Variants in PIK3CD observed in about 807,000 individuals in gnomAD.
PIK3CD encodes phosphatidylinositol 4,5-bisphosphate 3-kinase catalytic subunit delta isoform.
PIK3CD carries 20 observed loss-of-function variants against 122.9 expected under a neutral mutation model. The ratio of observed to expected loss-of-function variants is 0.16; its 90% CI spans 0.11 to 0.24. The LOEUF (loss-of-function observed/expected upper bound fraction) is 0.24. Ranked by LOEUF, PIK3CD falls within the 10% of genes least tolerant of loss-of-function variation. The probability of loss-of-function intolerance (pLI) is 1.00; values close to 1 mark genes in which losing one functional copy is unlikely to be tolerated. For synonymous variants in PIK3CD, 596 were observed against 593.4 expected (o/e 1.00, Z -0.06); for missense variants, 787 against 1,406.3 (o/e 0.56, Z 7.04).
At chr1:9,670,291 G>T (rs1645285508) in intron 1 of PIK3CD, among the ~76,000 whole-genome samples, 2 of 151,898 alleles carry the variant, frequency 1.3e-5, no homozygotes, top group African/African-American at 4.8e-5. Flanking sequence ...TCCCTATTGT[G>T]TGGTGTGATG....
chr1:9,630,356 GTCCTT>G, the PIK3CD span, among the ~76,000 whole-genome samples: 2 of 152,236 alleles, frequency 1.3e-5, no homozygotes, highest in Non-Finnish European at 2.9e-5. Flanking sequence ...GTGGACACTT[GTCCTT>G]TCTCTTCCTC....
Position 9,718,773 on chromosome 1 carries a change from C to T in PIK3CD, c.1100C>T (p.Ser367Leu), listed in dbSNP as rs375873391. The change falls in exon 9 of 24, where the codon TCG becomes TTG. Residue 367 changes from serine (S) to leucine (L), a missense_variant. By Grantham distance (145) the Ser-to-Leu change is moderately radical. Coordinates refer to ENST00000377346, the MANE Select transcript of PIK3CD (RefSeq NM_005026.5). This position sits in a 1 kb window ranked among gnomAD's most constrained non-coding sequence, Gnocchi z 7.2. ...TCCAGCTCGGAGGTGAGCGTGTGCT[C>T]GGAGCCCGTGTGGAAGCAGCGGCTG... is the stretch of plus-strand genomic sequence containing the variant. Reference protein sequence around the residue: ...TVSSSEVSVCSEPVWKQRLEF... With the variant: ...TVSSSEVSVCLEPVWKQRLEF... 3.7e-5 allele frequency: 60 copies of T among 1,610,962 alleles called. No individual in the cohort carries two copies. The highest frequency in any genetic ancestry group is 2.8e-4 in the Admixed American group (17 of 59,924).
At chr1:9,664,540 A>G (rs1645103581) in intron 1 of PIK3CD, among the ~76,000 whole-genome samples, 1 of 152,178 alleles carries the variant, frequency 6.6e-6, no homozygotes, top group African/African-American at 2.4e-5. Context: ...CACTGCTGGG[A>G]AAACAGCATG....
intron 1 of PIK3CD, among the ~76,000 whole-genome samples, chr1:9,660,123 G>A (rs1644969650): frequency 6.6e-6 from 1 of 152,330 alleles, no homozygotes; most frequent in African/African-American, 2.4e-5. Flanking sequence ...ATGTTGGTCA[G>A]GCTGGTCTCA....
the PIK3CD span, among the ~76,000 whole-genome samples, chr1:9,630,945 C>T: frequency 6.6e-6 from 1 of 152,094 alleles, no homozygotes; most frequent in Non-Finnish European, 1.5e-5. Context: ...GATGATTGGT[C>T]ATCCATTTGT....
At chr1:9,668,905 C>T in intron 1 of PIK3CD, among the ~76,000 whole-genome samples, 1 of 152,094 alleles carries the variant, frequency 6.6e-6, no homozygotes, top group Non-Finnish European at 1.5e-5. Context: ...GGCTGTGTCT[C>T]CAGGACTCTG....
At chr1:9,694,622 C>T (rs774049853) in intron 2 of PIK3CD, among the ~76,000 whole-genome samples, 8 of 152,096 alleles carry the variant, frequency 5.3e-5, no homozygotes, top group Non-Finnish European at 1.0e-4. Flanking sequence ...AGGGTTAGTG[C>T]CTTTCCCTTA....
rs1002436512 is a variant in PIK3CD, at chr1:9,724,721, A to G, written c.2865-83A>G. The G allele has an allele frequency of 2.2e-5, 35 of 1,560,166 alleles. No individual in the cohort carries two copies. Among genetic ancestry groups the G allele is most frequent in the Admixed American group, 6.7e-5 (4 of 59,940 alleles). The stretch of plus-strand genomic sequence containing the variant: ...GGGCAAGGGCAGGTGTCCTTGGGGA[A>G]GGGGCTGGTTGGATGCAGAGCGGCC... On this transcript the variant is annotated intron_variant, in intron 22 of 23. Coordinates refer to ENST00000377346, the MANE Select transcript of PIK3CD (RefSeq NM_005026.5). This position sits in a 1 kb window ranked among gnomAD's most constrained non-coding sequence, Gnocchi z 7.3.
intron 1 of PIK3CD, among the ~76,000 whole-genome samples, chr1:9,663,104 T>C (rs1645055568): frequency 6.6e-6 from 1 of 152,168 alleles, no homozygotes; most frequent in African/African-American, 2.4e-5. Flanking sequence ...ATGACAGCCA[T>C]CCAAACCCAC....
chr1:9,651,650 G>A (rs1192731766), upstream of PIK3CD: 1 of 152,026 alleles, frequency 6.6e-6, no homozygotes, highest in Non-Finnish European at 1.5e-5. Context: ...AAGTGAAAAG[G>A]AAACAAAGTG....
chr1:9,692,798 AG>A, intron 2 of PIK3CD, among the ~76,000 whole-genome samples: 1 of 152,256 alleles, frequency 6.6e-6, no homozygotes, highest in East Asian at 1.9e-4. Context: ...AGATCAAAAC[AG>A]CCACTGTAAG....
In PIK3CD at chr1:9,720,563, G is replaced by A. The variant is rs781244667; in HGVS notation, c.1471-48G>A. On this transcript the variant is annotated intron_variant, in intron 11 of 23. Coordinates refer to ENST00000377346, the MANE Select transcript of PIK3CD (RefSeq NM_005026.5). The surrounding 1 kb of genome is among the most constrained non-coding windows in gnomAD (Gnocchi z 9.0). ...AATGCCCGGCCTGGGGGTCCTGCCCGGGCTGGTCCAGGCCCCTGGGGACGC... is the reference window on the plus strand; with the variant it reads ...AATGCCCGGCCTGGGGGTCCTGCCCAGGCTGGTCCAGGCCCCTGGGGACGC... The A allele has an allele frequency of 4.1e-5, 63 of 1,549,138 alleles. No homozygotes were observed. The highest frequency in any genetic ancestry group is 4.8e-5 in the Non-Finnish European group (55 of 1,146,334).
chr1:9,721,582 C>T lies in PIK3CD; in HGVS notation c.1950C>T (p.His650=). 6.2e-7 allele frequency: 1 copy of T among 1,613,136 alleles called. No homozygotes were observed. The highest frequency in any genetic ancestry group is 8.5e-7 in the Non-Finnish European group (1 of 1,180,018). ...AGATCGGCCACTTCCTTTTCTGGCA[C>T]CTCCGGTAGCGGGACTTGCCCCAGC... ...NRKIGHFLFW[H]LRSEMHVPSV... is the part of the protein sequence containing the mutation. Residue 650 remains histidine (H), a synonymous_variant, in exon 15 of 24, where the codon CAC becomes CAT. Coordinates refer to ENST00000377346, the MANE Select transcript of PIK3CD (RefSeq NM_005026.5).
Position 9,718,949 on chromosome 1 carries a change from C to A in PIK3CD, c.1242+34C>A. 3 of 1,588,492 alleles carry A rather than the reference C, an allele frequency of 1.9e-6. No homozygotes were observed. The highest frequency in any genetic ancestry group is 2.6e-6 in the Non-Finnish European group (3 of 1,161,936). On this transcript the variant is annotated intron_variant, in intron 9 of 23. Transcript: ENST00000377346. The surrounding 1 kb of genome is among the most constrained non-coding windows in gnomAD (Gnocchi z 7.2). ...CAGGGCCGGCTGGGAGGGGTGCAGA[C>A]CCCGGAGAGCCAGTACAGCCCCTTG...
Position 9,717,640 on chromosome 1 carries a change from G to A in PIK3CD, c.1020+14G>A, listed in dbSNP as rs371088143. 4 of 1,612,432 alleles carry A rather than the reference G, an allele frequency of 2.5e-6. No individual in the cohort carries two copies. On this transcript the variant is annotated intron_variant, in intron 8 of 23. Coordinates refer to ENST00000377346, the MANE Select transcript of PIK3CD (RefSeq NM_005026.5). This position sits in a 1 kb window ranked among gnomAD's most constrained non-coding sequence, Gnocchi z 5.4. ...GAGCGGATGAAGGTGGGGCTCCTGG[G>A]ATAGGTGGGAGAGACACTGTTTTTT... is the stretch of plus-strand genomic sequence containing the variant.
chr1:9,710,427 A>G lies in PIK3CD; in HGVS notation c.-29A>G. On this transcript the variant is annotated 5_prime_UTR_variant, in exon 3 of 24. Coordinates refer to ENST00000377346, the MANE Select transcript of PIK3CD (RefSeq NM_005026.5). This position sits in a 1 kb window ranked among gnomAD's most constrained non-coding sequence, Gnocchi z 4.7. The stretch of plus-strand genomic sequence containing the variant: ...TTTGCCATTTCTTCATTTTTAGGAC[A>G]ACTGTCATCTGGGAAGTAACAACGC... 6.2e-7 allele frequency: 1 copy of G among 1,613,716 alleles called. No individual in the cohort carries two copies.
intron 1 of PIK3CD, among the ~76,000 whole-genome samples, chr1:9,671,144 G>A (rs1645310680): frequency 1.3e-5 from 2 of 152,048 alleles, no homozygotes; most frequent in Admixed American, 6.6e-5. Context: ...CCGTCGCCCA[G>A]GCTGGAGTGC....
the PIK3CD span, among the ~76,000 whole-genome samples, chr1:9,638,728 T>C: frequency 2.6e-5 from 2 of 77,392 alleles, no homozygotes; most frequent in Admixed American, 2.9e-4. Flanking sequence ...CGAGACTCCT[T>C]CTCAAAAAAA....
chr1:9,648,917 A>G (rs2100652359), upstream of PIK3CD, among the ~76,000 whole-genome samples: 1 of 152,278 alleles, frequency 6.6e-6, no homozygotes, highest in African/African-American at 2.4e-5. Context: ...CCTGGCCAAC[A>G]TGGTGAAACC....
Sources: allele counts gnomAD v4.1 joint callset (sites outside exome capture counted in the v4.1 genomes callset), GRCh38; gene constraint gnomAD v4.1.1; non-coding constraint Gnocchi (gnomAD v3.1); transcripts MANE v1.5; gene names NCBI Gene and HGNC (gene_info 2026-07-23, HGNC 2026-07-21).